LINGO2: variants seen among roughly 807,000 people sequenced by gnomAD.
The protein encoded by LINGO2 is leucine rich repeat and Ig domain containing 2.
Under a neutral mutation model 30.6 loss-of-function variants are expected in LINGO2, and 14 were observed. The ratio of observed to expected loss-of-function variants is 0.46; its 90% CI spans 0.30 to 0.72. The LOEUF (loss-of-function observed/expected upper bound fraction) is 0.72, where lower values mean the gene tolerates loss of function less well. Ranked by LOEUF, LINGO2 falls within the 30% of genes least tolerant of loss-of-function variation. LINGO2 has a pLI of 0.07. For synonymous variants in LINGO2, 317 were observed against 288.5 expected, an observed-to-expected ratio of 1.10 and a Z score of -1.00; for missense variants, 729 against 751.7, an observed-to-expected ratio of 0.97 and a Z score of 0.35.
At chr9:28,824,034 A>G in the LINGO2 span, among the ~76,000 whole-genome samples, 1 of 152,342 alleles carries the variant, frequency 6.6e-6, no homozygotes, top group South Asian at 2.1e-4. Flanking sequence ...CATGGAACAG[A>G]GTAAAGCAAT....
intron 4 of LINGO2, among the ~76,000 whole-genome samples, chr9:28,271,843 C>G (rs1489180901): frequency 6.6e-6 from 1 of 152,154 alleles, no homozygotes; most frequent in African/African-American, 2.4e-5. Context: ...ATTTCTGTGA[C>G]CTAGGAATTT....
intron 4 of LINGO2, among the ~76,000 whole-genome samples, chr9:28,059,345 C>T (rs887376531): frequency 3.3e-5 from 5 of 152,080 alleles, no homozygotes; most frequent in Admixed American, 1.3e-4. Flanking sequence ...CCTCCATACA[C>T]TAGTGATGCC....
At chr9:28,392,589 G>A (rs1008021738) in intron 2 of LINGO2, among the ~76,000 whole-genome samples, 9 of 152,162 alleles carry the variant, frequency 5.9e-5, no homozygotes, top group Non-Finnish European at 1.2e-4. Flanking sequence ...CCCAACACCT[G>A]GAGGTGTTCA....
At chr9:28,534,998 T>C (rs750312285) in intron 1 of LINGO2, among the ~76,000 whole-genome samples, 15 of 152,270 alleles carry the variant, frequency 9.9e-5, no homozygotes, top group South Asian at 6.2e-4. Flanking sequence ...TAACAGTAAT[T>C]GGCTTTATGT....
At chr9:28,045,773 C>A (rs1416199336) in intron 4 of LINGO2, among the ~76,000 whole-genome samples, 1 of 152,098 alleles carries the variant, frequency 6.6e-6, no homozygotes, top group Non-Finnish European at 1.5e-5. Context: ...AGACATGGCC[C>A]CAAAGCCAAA....
At chr9:28,536,955 C>T (rs73441436) in intron 1 of LINGO2, among the ~76,000 whole-genome samples, 10,306 of 151,912 alleles carry the variant, frequency 0.068, 807 homozygotes, top group African/African-American at 0.19. Context: ...GTTGCAGATG[C>T]AACTAAGATG....
At chr9:28,480,328 A>G (rs1226470058) in intron 1 of LINGO2, among the ~76,000 whole-genome samples, 1 of 151,992 alleles carries the variant, frequency 6.6e-6, no homozygotes, top group African/African-American at 2.4e-5. Context: ...TTTGAAAGGA[A>G]ACACTTAAGT....
At chr9:28,895,759 C>T in the LINGO2 span, among the ~76,000 whole-genome samples, 1 of 151,964 alleles carries the variant, frequency 6.6e-6, no homozygotes, top group African/African-American at 2.4e-5. Context: ...CCGAGGGAGA[C>T]ATCCAGTTCT....
At chr9:28,206,493 G>T (rs1820414517) in intron 4 of LINGO2, among the ~76,000 whole-genome samples, 1 of 152,104 alleles carries the variant, frequency 6.6e-6, no homozygotes, top group African/African-American at 2.4e-5. Flanking sequence ...GTTTCAAAAT[G>T]ACTCACAGGG....
chr9:28,787,794 T>C, the LINGO2 span, among the ~76,000 whole-genome samples: 2 of 152,174 alleles, frequency 1.3e-5, no homozygotes, highest in African/African-American at 4.8e-5. Flanking sequence ...TCATTGCTTA[T>C]ATAAATATAA....
intron 4 of LINGO2, among the ~76,000 whole-genome samples, chr9:28,105,009 C>T (rs1379061991): frequency 6.6e-6 from 1 of 152,064 alleles, no homozygotes; most frequent in Non-Finnish European, 1.5e-5. Flanking sequence ...CCATATGTAC[C>T]TCCTCTGAAG....
intron 2 of LINGO2, among the ~76,000 whole-genome samples, chr9:28,379,908 T>C (rs1030919974): frequency 1.3e-5 from 2 of 152,066 alleles, no homozygotes; most frequent in African/African-American, 4.8e-5. Flanking sequence ...GCAAGTATCA[T>C]AACATTTTAG....
intron 4 of LINGO2, among the ~76,000 whole-genome samples, chr9:28,032,433 A>G (rs1003833108): frequency 2.0e-5 from 3 of 152,152 alleles, no homozygotes; most frequent in African/African-American, 7.2e-5. Flanking sequence ...ATTACATATG[A>G]TTCACATAAC....
intron 3 of LINGO2, among the ~76,000 whole-genome samples, chr9:28,337,330 AAATC>A (rs1564131622): frequency 2.0e-5 from 3 of 152,112 alleles, no homozygotes; most frequent in Non-Finnish European, 2.9e-5. Context: ...ACAATTAAAC[AAATC>A]ATTTTGTAAT....
chr9:27,955,824 T>A (rs1819534627), intron 5 of LINGO2, among the ~76,000 whole-genome samples: 1 of 152,112 alleles, frequency 6.6e-6, no homozygotes, highest in Non-Finnish European at 1.5e-5. Flanking sequence ...ATGTATAGTA[T>A]TTATAAGAAA....
chr9:28,082,940 C>T (rs1264486759), intron 4 of LINGO2, among the ~76,000 whole-genome samples: 1 of 152,122 alleles, frequency 6.6e-6, no homozygotes, highest in Non-Finnish European at 1.5e-5. Context: ...TAATGACCCA[C>T]ACTGATCATT....
the LINGO2 span, among the ~76,000 whole-genome samples, chr9:29,115,007 T>A: frequency 6.6e-6 from 1 of 152,260 alleles, no homozygotes; most frequent in South Asian, 2.1e-4. Flanking sequence ...ACAAACTTTA[T>A]GAAGTTCTCA....
intron 4 of LINGO2, among the ~76,000 whole-genome samples, chr9:28,227,363 A>G (rs927024858): frequency 7.9e-5 from 12 of 152,074 alleles, no homozygotes; most frequent in African/African-American, 2.9e-4. Flanking sequence ...GGAAAGAAAA[A>G]GGTTGAACTT....
intron 1 of LINGO2, among the ~76,000 whole-genome samples, chr9:28,571,205 G>A (rs1042956266): frequency 3.3e-5 from 5 of 151,838 alleles, no homozygotes; most frequent in African/African-American, 1.2e-4. Flanking sequence ...TTCTTGGCTG[G>A]GGGAAAATGC....
Sources: gnomAD v4.1 joint callset for allele counts (sites outside exome capture counted in the v4.1 genomes callset) on GRCh38, gnomAD v4.1.1 for gene constraint, MANE v1.5 for transcripts, NCBI Gene and HGNC (gene_info 2026-07-23, HGNC 2026-07-21) for gene names.